Variants in KHDRBS2 observed in about 807,000 individuals in gnomAD.
KHDRBS2 encodes the protein KH domain-containing, RNA-binding, signal transduction-associated protein 2.
A neutral mutation model predicts 44.3 loss-of-function variants in KHDRBS2; 26 were observed. That is an observed-to-expected ratio of 0.59 (90% CI 0.43 to 0.81). The LOEUF is 0.81. Ranked by LOEUF, KHDRBS2 falls within the 40% of genes least tolerant of loss-of-function variation. The pLI is 0.00. For synonymous variants in KHDRBS2, 194 were observed against 151.1 expected, an observed-to-expected ratio of 1.28 and a Z score of -2.08; for missense variants, 476 against 433.1, an observed-to-expected ratio of 1.10 and a Z score of -0.88.
Position 62,138,065 on chromosome 6 carries a change from G to A in KHDRBS2, c.219+39120C>T, listed in dbSNP as rs569269468. ...CCCCAGCTGAAGGATTTTAACTGAC[G>A]TGTGGGCTGACTCTGCCACAGAAGC... On this transcript the variant is annotated intron_variant, in intron 2 of 8. Coordinates refer to ENST00000281156, the MANE Select transcript of KHDRBS2 (RefSeq NM_152688.4). Among the ~76,000 whole-genome samples, 5 of 152,228 alleles carry A rather than the reference G, an allele frequency of 3.3e-5. No individual in the cohort carries two copies. The East Asian group carries it at 5.8e-4, about 18-fold the overall frequency.
chr6:61,581,243 A>T, the KHDRBS2 span, among the ~76,000 whole-genome samples: 115 of 152,248 alleles, frequency 7.6e-4, 1 homozygote, highest in East Asian at 1.9e-4. Context: ...CACAATGTGC[A>T]TTGTGTCCTC....
chr6:61,851,988 G>A (rs545152027), intron 6 of KHDRBS2, among the ~76,000 whole-genome samples: 7 of 152,102 alleles, frequency 4.6e-5, no homozygotes, highest in African/African-American at 1.4e-4. Flanking sequence ...TTGGGAGGCC[G>A]AGGCAGGCGG....
intron 2 of KHDRBS2, among the ~76,000 whole-genome samples, chr6:62,125,214 G>A (rs1233602373): frequency 6.6e-6 from 1 of 152,174 alleles, no homozygotes; most frequent in Non-Finnish European, 1.5e-5. Flanking sequence ...GTGCTTGCGA[G>A]AGGAAGAGGG....
At chr6:61,717,427 A>C (rs1416703645) in intron 7 of KHDRBS2, among the ~76,000 whole-genome samples, 1 of 152,124 alleles carries the variant, frequency 6.6e-6, no homozygotes, top group Admixed American at 6.6e-5. Context: ...TATCAAACCT[A>C]CTGTTTATGC....
intron 4 of KHDRBS2, among the ~76,000 whole-genome samples, chr6:61,935,248 T>TATCAGTGAATTTTGAATGAA (rs1810816279): frequency 6.6e-6 from 1 of 152,200 alleles, no homozygotes; most frequent in Non-Finnish European, 1.5e-5. Flanking sequence ...TGTAGGAAAG[T>TATCAGTGAATTTTGAATGAA]ATCAGTGAAT....
intron 1 of KHDRBS2, among the ~76,000 whole-genome samples, chr6:62,206,925 C>T (rs897980941): frequency 7.2e-5 from 11 of 152,030 alleles, no homozygotes; most frequent in Non-Finnish European, 1.0e-4. Flanking sequence ...AAGATTCATT[C>T]CCAAGAATAA....
chr6:62,072,051 T>C (rs548068155), intron 2 of KHDRBS2, among the ~76,000 whole-genome samples: 2 of 152,022 alleles, frequency 1.3e-5, no homozygotes, highest in Non-Finnish European at 1.5e-5. Context: ...TGAAGAGGTC[T>C]TTCACATCCC....
downstream of KHDRBS2, chr6:61,678,949 T>G (rs1766094634): frequency 6.6e-6 from 1 of 151,864 alleles, no homozygotes; most frequent in Non-Finnish European, 1.5e-5. Context: ...TGTGGGTACC[T>G]GAAATAATGA....
chr6:61,553,796 T>C, the KHDRBS2 span, among the ~76,000 whole-genome samples: 1 of 152,194 alleles, frequency 6.6e-6, no homozygotes, highest in Non-Finnish European at 1.5e-5. Flanking sequence ...AATTTCTGTG[T>C]AATTATAGGT....
rs879521197 is a variant in KHDRBS2 at position 61,680,873 on chromosome 6, A to C, written c.*90T>G. 5.3e-6 allele frequency: 4 copies of C among 748,682 alleles called. No homozygotes were observed. The highest frequency in any genetic ancestry group is 2.6e-5 in the Admixed American group (1 of 38,816). The allele number at this position is 748,682 out of a possible 1,614,324, so 46.4% of individuals were successfully genotyped here. A position where few individuals can be genotyped will look rare whatever the true frequency, so the allele number is the denominator to read the frequency against. Reference sequence around the variant, plus strand: ...CCTAGAATAGAAACAAACAAACAAAAAAAGGACTATTACTTGTCTTGTTGC... The same window carrying C: ...CCTAGAATAGAAACAAACAAACAAACAAAGGACTATTACTTGTCTTGTTGC... On this transcript the variant is annotated 3_prime_UTR_variant, in exon 9 of 9. Transcript: ENST00000281156.
At chr6:62,133,745 C>T (rs192431668) in intron 2 of KHDRBS2, among the ~76,000 whole-genome samples, 92 of 152,238 alleles carry the variant, frequency 6.0e-4, no homozygotes, top group Non-Finnish European at 9.4e-4. Context: ...GAAATGCAGA[C>T]TGAGGTAGTC....
intron 3 of KHDRBS2, among the ~76,000 whole-genome samples, chr6:61,992,525 C>A (rs1426358685): frequency 6.6e-6 from 1 of 152,002 alleles, no homozygotes; most frequent in African/African-American, 2.4e-5. Context: ...TTACTAATAT[C>A]AATTGTATCC....
At chr6:61,636,619 T>C in the KHDRBS2 span, among the ~76,000 whole-genome samples, 2 of 152,140 alleles carry the variant, frequency 1.3e-5, no homozygotes, top group African/African-American at 4.8e-5. Flanking sequence ...GCAGATGCTA[T>C]TGGCATCTAA....
In KHDRBS2 at chr6:61,894,752, T is replaced by G; in HGVS notation, c.693A>C (p.Gly231=). ...TTGCTACAGGTGGCACTGGAAGCGC[T>G]CCACGGGTTACAGTGCTTCCCCGAG... is the stretch of plus-strand genomic sequence containing the variant. ...LTPRGSTVTR[G]ALPVPPVARG... is the part of the protein sequence containing the mutation. The change falls in exon 6 of 9, where the codon GGA becomes GGC. Residue 231 remains glycine, a synonymous_variant. Coordinates refer to ENST00000281156, the MANE Select transcript of KHDRBS2 (RefSeq NM_152688.4). The G allele has an allele frequency of 6.2e-7, 1 of 1,613,604 alleles. No homozygotes were observed. The highest frequency in any genetic ancestry group is 8.5e-7 in the Non-Finnish European group (1 of 1,179,806).
chr6:61,998,693 C>A (rs945053299), intron 3 of KHDRBS2, among the ~76,000 whole-genome samples: 4 of 151,880 alleles, frequency 2.6e-5, no homozygotes, highest in Non-Finnish European at 5.9e-5. Context: ...CTTCTGCTTT[C>A]CAAATTCATG....
At chr6:61,785,313 G>A (rs1479024999) in intron 6 of KHDRBS2, among the ~76,000 whole-genome samples, 1 of 151,778 alleles carries the variant, frequency 6.6e-6, no homozygotes, top group Non-Finnish European at 1.5e-5. Flanking sequence ...CAACAAAAAT[G>A]GCCAATAACC....
the KHDRBS2 span, among the ~76,000 whole-genome samples, chr6:61,631,335 A>AAAAAAAAAG: frequency 3.5e-4 from 37 of 104,676 alleles, 6 homozygotes; most frequent in Non-Finnish European, 5.5e-4. Flanking sequence ...AAAAAAAAAA[A>AAAAAAAAAG]AAGACAATAC....
chr6:62,215,425 C>A (rs1296717108), intron 1 of KHDRBS2, among the ~76,000 whole-genome samples: 1 of 151,616 alleles, frequency 6.6e-6, no homozygotes, highest in Non-Finnish European at 1.5e-5. Flanking sequence ...TCCAACTCAA[C>A]CATATAAGCC....
chr6:62,273,767 C>T (rs1274551494), intron 1 of KHDRBS2, among the ~76,000 whole-genome samples: 1 of 152,100 alleles, frequency 6.6e-6, no homozygotes, highest in African/African-American at 2.4e-5. Flanking sequence ...ACTTCACAGT[C>T]CCTTCAGTGT....
Sources: allele counts gnomAD v4.1 joint callset (sites outside exome capture counted in the v4.1 genomes callset), GRCh38; gene constraint gnomAD v4.1.1; transcripts MANE v1.5; gene names NCBI Gene and HGNC (gene_info 2026-07-23, HGNC 2026-07-21).